CALD1: variants seen among roughly 807,000 people sequenced by gnomAD.
CALD1 encodes the protein caldesmon.
CALD1 carries 33 observed loss-of-function variants against 99.9 expected under a neutral mutation model. That is an observed-to-expected ratio of 0.33 (90% CI 0.25 to 0.44). CALD1 has a LOEUF of 0.44. Among genes scored for constraint, CALD1 ranks in the 20% least tolerant of loss-of-function variants. The probability of loss-of-function intolerance (pLI) is 1.00; values close to 1 mark genes in which losing one functional copy is unlikely to be tolerated. For synonymous variants in CALD1, 310 were observed against 325.0 expected (o/e 0.95, Z 0.50); for missense variants, 861 against 962.1 (o/e 0.89, Z 1.39).
chr7:134,791,614 A>AT (rs1474485917), intron 1 of CALD1, among the ~76,000 whole-genome samples: 2 of 152,154 alleles, frequency 1.3e-5, no homozygotes, highest in African/African-American at 2.4e-5. Context: ...GAGTGCCCAC[A>AT]TTTTCAGATA....
chr7:134,943,189 G>GT (rs1344877743), intron 7 of CALD1, among the ~76,000 whole-genome samples: 1 of 150,102 alleles, frequency 6.7e-6, no homozygotes, highest in Non-Finnish European at 1.5e-5. Flanking sequence ...CTCTATTTAG[G>GT]TAAGTTTAGT....
chr7:134,923,540 A>G (rs181984276), intron 3 of CALD1, among the ~76,000 whole-genome samples: 117 of 152,308 alleles, frequency 7.7e-4, no homozygotes, highest in African/African-American at 2.6e-3. Flanking sequence ...ATTTTCACAG[A>G]AGGAACAAAT....
chr7:134,963,006 A>G (rs1808393529), intron 13 of CALD1: 1 of 446,512 alleles, frequency 2.2e-6, no homozygotes, highest in African/African-American at 2.0e-5. Context: ...TTTTCTTAAA[A>G]GGACTCTTTA....
intron 1 of CALD1, among the ~76,000 whole-genome samples, chr7:134,768,429 T>C (rs933161688): frequency 1.3e-5 from 2 of 152,174 alleles, no homozygotes; most frequent in African/African-American, 4.8e-5. Context: ...TTATTACTCC[T>C]TAAAGAGTGA....
upstream of CALD1, among the ~76,000 whole-genome samples, chr7:134,743,950 C>T (rs1055444550): frequency 7.2e-5 from 11 of 152,182 alleles, no homozygotes; most frequent in African/African-American, 2.4e-4. Flanking sequence ...CCACTGAAGT[C>T]TTCTGATACA....
intron 1 of CALD1, among the ~76,000 whole-genome samples, chr7:134,746,684 G>C (rs1369294920): frequency 6.6e-6 from 1 of 152,220 alleles, no homozygotes; most frequent in Non-Finnish European, 1.5e-5. Context: ...GAACACCTAA[G>C]TGGTCATGAA....
At chr7:134,934,496 C>T (rs1805801029) in intron 5 of CALD1, among the ~76,000 whole-genome samples, 1 of 152,120 alleles carries the variant, frequency 6.6e-6, no homozygotes, top group Non-Finnish European at 1.5e-5. Context: ...TAACTCCTTA[C>T]CTCACTCATG....
At chr7:134,797,739 C>T (rs1797800457) in intron 1 of CALD1, among the ~76,000 whole-genome samples, 1 of 152,212 alleles carries the variant, frequency 6.6e-6, no homozygotes, top group South Asian at 2.1e-4. Flanking sequence ...ACTATAGGCA[C>T]GCACCACCAC....
At chr7:134,947,966 T>C in intron 8 of CALD1, 197 bp downstream of exon 8, 1 of 596,640 alleles carries the variant, frequency 1.7e-6, no homozygotes, top group Non-Finnish European at 2.9e-6. Flanking sequence ...TAGGTACTAA[T>C]CCCCATTTTA....
chr7:134,847,226 G>C (rs1182167899), intron 2 of CALD1, among the ~76,000 whole-genome samples: 1 of 152,150 alleles, frequency 6.6e-6, no homozygotes, highest in Non-Finnish European at 1.5e-5. Flanking sequence ...AGAGAAGCTT[G>C]GGTTTTTATT....
rs755011509 is a variant in CALD1 at position 134,933,362 on chromosome 7, C to G, written c.593C>G (p.Pro198Arg). 26 of 1,606,014 alleles carry G rather than the reference C, an allele frequency of 1.6e-5. No individual in the cohort carries two copies. Among genetic ancestry groups the G allele is most frequent in the Non-Finnish European group, 2.1e-5 (25 of 1,176,298 alleles). ...AAGGAGGAGGAGGAAGAGGAGAAGC[C>G]AAAGCGAGGGAGCATTGGAGAAAAT... The part of the protein sequence containing the change: ...KEKEEEEEEK[P>R]KRGSIGENQV... Residue 198 changes from proline (P) to arginine (R), a missense_variant, in exon 5 of 15, where the codon CCA becomes CGA. Coordinates refer to ENST00000361675, the MANE Select transcript of CALD1 (RefSeq NM_033138.4).
chr7:134,789,170 C>A (rs1294893723), intron 1 of CALD1, among the ~76,000 whole-genome samples: 1 of 151,810 alleles, frequency 6.6e-6, no homozygotes, highest in Admixed American at 6.6e-5. Flanking sequence ...TGCTAAGTAG[C>A]ATGTAGATTT....
At chr7:134,758,161 C>A (rs1230223282) in intron 1 of CALD1, among the ~76,000 whole-genome samples, 3 of 152,106 alleles carry the variant, frequency 2.0e-5, no homozygotes, top group African/African-American at 7.2e-5. Context: ...CTGTTGTGTG[C>A]AACTCTATGC....
intron 6 of CALD1, 89 bp from the exon 7 acceptor site, chr7:134,941,003 A>G (rs929925424): frequency 1.9e-6 from 2 of 1,068,902 alleles, no homozygotes; most frequent in Non-Finnish European, 2.6e-6. Context: ...CTGCCTTCCT[A>G]ACAATTTTGG....
At chr7:134,954,010 A>G (rs186098502) in intron 9 of CALD1, among the ~76,000 whole-genome samples, 34 of 152,316 alleles carry the variant, frequency 2.2e-4, no homozygotes, top group African/African-American at 7.5e-4. Context: ...TTCATATTCT[A>G]CAATGTAATT....
chr7:134,891,717 T>G, intron 3 of CALD1: 1 of 1,298,994 alleles, frequency 7.7e-7, no homozygotes, highest in Non-Finnish European at 1.1e-6. Flanking sequence ...TTTCTTTTTT[T>G]TTTTTATAAA....
intron 1 of CALD1, among the ~76,000 whole-genome samples, chr7:134,827,068 C>A (rs1274346925): frequency 6.6e-6 from 1 of 152,158 alleles, no homozygotes; most frequent in Non-Finnish European, 1.5e-5. Context: ...AATTCTCTCC[C>A]ATGTGATTTT....
At chr7:134,937,978 T>C (rs1393085005) in intron 6 of CALD1, among the ~76,000 whole-genome samples, 1 of 152,216 alleles carries the variant, frequency 6.6e-6, no homozygotes, top group Non-Finnish European at 1.5e-5. Context: ...ACAGAGTTTC[T>C]AGCCGAGCTG....
the CALD1 span, among the ~76,000 whole-genome samples, chr7:134,722,837 A>T: frequency 6.6e-6 from 1 of 151,900 alleles, no homozygotes; most frequent in African/African-American, 2.4e-5. Flanking sequence ...GGCCTTTTCT[A>T]TTAGATATAT....
Sources: allele counts gnomAD v4.1 joint callset (sites outside exome capture counted in the v4.1 genomes callset), GRCh38; gene constraint gnomAD v4.1.1; transcripts MANE v1.5; gene names NCBI Gene and HGNC (gene_info 2026-07-23, HGNC 2026-07-21).